METTL14: variants seen among roughly 807,000 people sequenced by gnomAD.
The protein encoded by METTL14 is methyltransferase 14, N6-adenosine-methyltransferase non-catalytic subunit.
Under a neutral mutation model 62.4 loss-of-function variants are expected in METTL14, and 32 were observed. That is an observed-to-expected ratio of 0.51 (90% confidence interval 0.39 to 0.69). METTL14 has a LOEUF of 0.69. Ranked by LOEUF, METTL14 falls within the 30% of genes least tolerant of loss-of-function variation. The pLI, the probability that METTL14 is intolerant of heterozygous loss-of-function variation, is 0.00. For missense variants in METTL14, 340 were observed against 551.9 expected, an observed-to-expected ratio of 0.62 and a Z score of 3.85; for synonymous variants, 150 against 180.0, an observed-to-expected ratio of 0.83 and a Z score of 1.34.
At chr4:118,696,356 C>T (rs946654047) in intron 6 of METTL14, among the ~76,000 whole-genome samples, 7 of 151,888 alleles carry the variant, frequency 4.6e-5, no homozygotes, top group East Asian at 1.9e-4. Context: ...GATCCTCCCA[C>T]GCTGGCCTCC....
chr4:118,688,361 C>T (rs143377421), intron 2 of METTL14, among the ~76,000 whole-genome samples: 47 of 151,222 alleles, frequency 3.1e-4, no homozygotes, highest in African/African-American at 8.8e-4. Flanking sequence ...TGCTTGAAAC[C>T]GGGAGGCGGA....
intron 5 of METTL14, 45 bp from the exon 6 acceptor site, chr4:118,694,391 A>G: frequency 6.7e-7 from 1 of 1,493,234 alleles, no homozygotes; most frequent in Non-Finnish European, 9.2e-7. Context: ...ACTGATATTA[A>G]CTTCAGTTGA....
In METTL14 at chr4:118,687,913, CT is replaced by C; in HGVS notation, c.67-6del. ...ATTGCAATCTAATTTCTGATTTTGTCTTTTCTCAGTTGGGAGCTGAAAGTGC... is the reference window on the plus strand; with the variant it reads ...ATTGCAATCTAATTTCTGATTTTGTCTTTCTCAGTTGGGAGCTGAAAGTGC... On this transcript the variant is annotated splice_polypyrimidine_tract_variant and intron_variant, in intron 1 of 10. Coordinates refer to ENST00000388822, the MANE Select transcript of METTL14 (RefSeq NM_020961.4). 6.2e-7 allele frequency: 1 copy of C among 1,612,012 alleles called. No individual in the cohort carries two copies. Among genetic ancestry groups the C allele is most frequent in the Non-Finnish European group, 8.5e-7 (1 of 1,179,136 alleles).
chr4:118,688,368 C>T (rs970639836), intron 2 of METTL14, among the ~76,000 whole-genome samples: 2 of 149,482 alleles, frequency 1.3e-5, no homozygotes, highest in African/African-American at 2.5e-5. Flanking sequence ...AACCGGGAGG[C>T]GGAGATTGTA....
rs1274618944 is a variant in METTL14, at chr4:118,688,000, A to G, written c.144A>G (p.Arg48=). Residue 48 remains arginine, a synonymous_variant, in exon 2 of 11, where the codon AGA becomes AGG. Transcript: ENST00000388822. ...KDEQREIAET[R]ETCRASYDTS... The stretch of plus-strand genomic sequence containing the variant: ...AGCAGAGAGAAATTGCTGAAACAAG[A>G]GAAACTTGCAGGTCAGTCAGATAAT... 6.2e-7 allele frequency: 1 copy of G among 1,610,908 alleles called. No individual in the cohort carries two copies. The highest frequency in any genetic ancestry group is 8.5e-7 in the Non-Finnish European group (1 of 1,177,884).
At chr4:118,696,882 T>C (rs1450846588) in intron 6 of METTL14, among the ~76,000 whole-genome samples, 1 of 152,060 alleles carries the variant, frequency 6.6e-6, no homozygotes, top group East Asian at 1.9e-4. Context: ...TTTTTAATAT[T>C]GAGAGAAGAA....
intron 6 of METTL14, among the ~76,000 whole-genome samples, chr4:118,696,522 A>G (rs1419826114): frequency 6.6e-6 from 1 of 152,172 alleles, no homozygotes; most frequent in Non-Finnish European, 1.5e-5. Context: ...AGCCTGAGCA[A>G]TATAGTGAGA....
At chr4:118,689,250 ATATTCT>A (rs1724168965) in intron 2 of METTL14, 114 bp from the exon 3 acceptor site, 2 of 507,206 alleles carry the variant, frequency 3.9e-6, no homozygotes, top group East Asian at 3.3e-5. Flanking sequence ...GCGTAGATAG[ATATTCT>A]TTAATCAGGA....
intron 4 of METTL14, among the ~76,000 whole-genome samples, 165 bp from the exon 5 acceptor site, chr4:118,691,813 CAGT>C (rs1471780346): frequency 1.1e-4 from 16 of 152,150 alleles, no homozygotes; most frequent in Non-Finnish European, 2.1e-4. Context: ...ATATTAATAT[CAGT>C]AGCTACTGAA....
intron 7 of METTL14, among the ~76,000 whole-genome samples, chr4:118,697,725 G>A (rs927476851): frequency 6.6e-6 from 1 of 152,118 alleles, no homozygotes; most frequent in Admixed American, 6.5e-5. Flanking sequence ...AGCTTACAGT[G>A]TAGTAAAGTA....
At chr4:118,693,315 A>T (rs1388321764) in intron 5 of METTL14, among the ~76,000 whole-genome samples, 1 of 152,102 alleles carries the variant, frequency 6.6e-6, no homozygotes, top group Admixed American at 6.6e-5. Context: ...TACTTTGTGT[A>T]TTTTTAAATT....
chr4:118,691,419 T>C, intron 3 of METTL14, 113 bp from the exon 4 acceptor site: 1 of 593,598 alleles, frequency 1.7e-6, no homozygotes, highest in South Asian at 2.7e-5. Flanking sequence ...TTAATGCTAA[T>C]TTAAAACATT....
chr4:118,700,923 C>T (rs1367745880), intron 8 of METTL14, among the ~76,000 whole-genome samples: 4 of 152,056 alleles, frequency 2.6e-5, no homozygotes, highest in African/African-American at 9.7e-5. Context: ...CAAATTATAC[C>T]TCAAAAATGA....
At chr4:118,704,617 T>A (rs1026693244) in intron 9 of METTL14, among the ~76,000 whole-genome samples, 1 of 152,146 alleles carries the variant, frequency 6.6e-6, no homozygotes, top group Non-Finnish European at 1.5e-5. Flanking sequence ...GTTGGAGAGC[T>A]TCTGGGTTGG....
rs1724939410 is a variant in METTL14, at chr4:118,712,098, T to G, written c.*1796T>G. 1 of 152,226 alleles carries G rather than the reference T, an allele frequency of 6.6e-6. No individual in the cohort carries two copies. The highest frequency in any genetic ancestry group is 2.4e-5 in the African/African-American group (1 of 41,466). The allele number at this position is 152,226 out of a possible 1,614,324, so 9.4% of individuals were successfully genotyped here. ...AAAAGAGCAGATGGTGGAAAAAGAA[T>G]GTAAGACCCAGAATTTATCCCTTTG... On this transcript the variant is annotated 3_prime_UTR_variant, in exon 11 of 11. Transcript: ENST00000388822.
At chr4:118,696,717 A>G (rs1448991220) in intron 6 of METTL14, among the ~76,000 whole-genome samples, 3 of 152,184 alleles carry the variant, frequency 2.0e-5, no homozygotes, top group Admixed American at 2.0e-4. Context: ...AACTAATAAA[A>G]GAAAACTATA....
chr4:118,698,452 C>CAAA (rs70941202), intron 7 of METTL14, among the ~76,000 whole-genome samples: 19 of 76,578 alleles, frequency 2.5e-4, no homozygotes, highest in African/African-American at 8.4e-4. Flanking sequence ...GACTCTGTCT[C>CAAA]AAAAAAAAAA....
At chr4:118,692,355 A>C (rs1022859865) in intron 5 of METTL14, among the ~76,000 whole-genome samples, 4 of 151,062 alleles carry the variant, frequency 2.6e-5, no homozygotes, top group Non-Finnish European at 5.9e-5. Context: ...CAGCCTCCCA[A>C]GTAGCTGGGA....
intron 5 of METTL14, among the ~76,000 whole-genome samples, 158 bp downstream of exon 5, chr4:118,692,226 C>CT (rs11387432): frequency 0.31 from 40,725 of 131,378 alleles, 6,658 homozygotes; most frequent in Non-Finnish European, 0.38. Flanking sequence ...CTTTTCTTTT[C>CT]TTTTTTTTTT....
Sources: gnomAD v4.1 joint callset for allele counts (sites outside exome capture counted in the v4.1 genomes callset) on GRCh38, gnomAD v4.1.1 for gene constraint, MANE v1.5 for transcripts, NCBI Gene and HGNC (gene_info 2026-07-23, HGNC 2026-07-21) for gene names.